SLC6A12: variants seen among roughly 807,000 people sequenced by gnomAD.
SLC6A12 encodes the protein solute carrier family 6 member 12.
A neutral mutation model predicts 73.3 loss-of-function variants in SLC6A12; 50 were observed. The observed-to-expected ratio is 0.68, with a 90% confidence interval of 0.54 to 0.86. The LOEUF (loss-of-function observed/expected upper bound fraction) is 0.86, where lower values mean the gene tolerates loss of function less well. Among genes scored for constraint, SLC6A12 ranks in the 40% least tolerant of loss-of-function variants. The probability of loss-of-function intolerance (pLI) is 0.00; values close to 1 mark genes in which losing one functional copy is unlikely to be tolerated. For missense variants in SLC6A12, 648 were observed against 772.8 expected (o/e 0.84, Z 1.92); for synonymous variants, 304 against 309.2 (o/e 0.98, Z 0.18).
At chr12:185,984 T>G (rs1939422689), downstream of SLC6A12, among the ~76,000 whole-genome samples, 1 of 152,208 alleles carries the variant, frequency 6.6e-6, no homozygotes, top group Admixed American at 6.5e-5. Context: ...GCAAGGAAGC[T>G]GGGCATGCGA....
Position 191,155 on chromosome 12 carries a change from G to A in SLC6A12, c.1758C>T (p.Pro586=). ...DSSLPQPKQH[P]CLDGSAGRNF... is the part of the protein sequence containing the mutation. The stretch of plus-strand genomic sequence containing the variant: ...TCCGGCCAGCACTGCCATCCAAGCA[G>A]GGATGTTGCTTGGGCTGTGGCAGAC... Residue 586 remains proline (P), a synonymous_variant, in exon 16 of 16, where the codon CCC becomes CCT. Transcript: ENST00000684302. The A allele has an allele frequency of 7.5e-7, 1 of 1,328,788 alleles. No homozygotes were observed. Among genetic ancestry groups the A allele is most frequent in the Non-Finnish European group, 9.7e-7 (1 of 1,026,704 alleles). The allele number at this position is 1,328,788 out of a possible 1,614,324, so 82.3% of individuals were successfully genotyped here.
chr12:204,587 C>A lies in SLC6A12; in HGVS notation c.326G>T (p.Arg109Met). 2 of 1,614,202 alleles carry A rather than the reference C, an allele frequency of 1.2e-6. No homozygotes were observed. Among genetic ancestry groups the A allele is most frequent in the Non-Finnish European group, 8.5e-7 (1 of 1,180,030 alleles). The change falls in exon 4 of 16, where the codon AGG (arginine) becomes ATG (methionine). Residue 109 changes from arginine (R) to methionine (M), a missense_variant. Arg to Met is a moderately conservative substitution (Grantham distance 91). Transcript: ENST00000684302. ...YTSQGSVTAW[R>M]KICPLFQGIG... ...ACCCTGGAAGAGGGGGCAGATCTTC[C>A]TCCAGGCTGTGACACTCCCTTGGCT...
intron 13 of SLC6A12, among the ~76,000 whole-genome samples, chr12:194,616 C>A (rs1053420076): frequency 6.6e-6 from 1 of 152,218 alleles, no homozygotes; most frequent in Non-Finnish European, 1.5e-5. Context: ...CTCAGTGAAT[C>A]GGGCTTCTTC....
downstream of SLC6A12, among the ~76,000 whole-genome samples, chr12:187,953 C>T (rs2137092923): frequency 6.6e-6 from 1 of 152,248 alleles, no homozygotes; most frequent in East Asian, 1.9e-4. Flanking sequence ...GTTTACAAAC[C>T]TTGAGCTAGA....
chr12:206,107 G>C (rs1432143548), intron 3 of SLC6A12, among the ~76,000 whole-genome samples: 2 of 152,092 alleles, frequency 1.3e-5, no homozygotes, highest in Non-Finnish European at 2.9e-5. Context: ...CACTTTAACT[G>C]TTCTTAAGTA....
Position 202,819 on chromosome 12 carries a change from A to C in SLC6A12, c.411T>G (p.Leu137=). The C allele has an allele frequency of 6.2e-7, 1 of 1,614,006 alleles. No individual in the cohort carries two copies. The highest frequency in any genetic ancestry group is 1.3e-5 in the African/African-American group (1 of 75,032). ...SYLNVYYIII[L]AWALFYLFSS... ...TGAACAGGTAGAAGAGAGCCCAGGC[A>C]AGGATGATGATGTAGTAGACATTCA... The change falls in exon 5 of 16, where the codon CTT becomes CTG. Residue 137 remains leucine, a synonymous_variant. Transcript: ENST00000684302.
chr12:192,633 A>C lies in SLC6A12; in HGVS notation c.1546T>G (p.Ser516Ala). The C allele has an allele frequency of 6.2e-7, 1 of 1,614,032 alleles. No individual in the cohort carries two copies. The highest frequency in any genetic ancestry group is 1.7e-5 in the Admixed American group (1 of 60,008). Residue 516 changes from serine to alanine, a missense_variant, in exon 15 of 16, where the codon TCC becomes GCC. By Grantham distance (99) the Ser-to-Ala change is moderately conservative. Transcript: ENST00000684302. Reference protein sequence around the residue: ...PGLCLATFLFSLSKYTPLKYN... With the variant: ...PGLCLATFLFALSKYTPLKYN... Reference sequence around the variant, plus strand: ...TTGAGGGGGGTGTACTTGCTCAAGGAGAAGAGGAAAGTGGCCTGGGAGAAG... The same window carrying C: ...TTGAGGGGGGTGTACTTGCTCAAGGCGAAGAGGAAAGTGGCCTGGGAGAAG...
At chr12:207,696 G>A (rs528998039) in intron 3 of SLC6A12, among the ~76,000 whole-genome samples, 1 of 152,256 alleles carries the variant, frequency 6.6e-6, no homozygotes, top group African/African-American at 2.4e-5. Context: ...ACTAGTCTGT[G>A]ACATCCTGTT....
At chr12:200,612 G>C (rs1013932457) in intron 7 of SLC6A12, 39 bp downstream of exon 7, 1 of 1,606,050 alleles carries the variant, frequency 6.2e-7, no homozygotes, top group Non-Finnish European at 8.5e-7. Context: ...GTAGACTCTG[G>C]GGGCCAAAGG....
In SLC6A12 at chr12:191,155, G is replaced by C; in HGVS notation, c.1758C>G (p.Pro586=). The stretch of plus-strand genomic sequence containing the variant: ...TCCGGCCAGCACTGCCATCCAAGCA[G>C]GGATGTTGCTTGGGCTGTGGCAGAC... ...DSSLPQPKQH[P]CLDGSAGRNF... The change falls in exon 16 of 16, where the codon CCC becomes CCG. Residue 586 remains proline, a synonymous_variant. Transcript: ENST00000684302. The C allele has an allele frequency of 7.5e-7, 1 of 1,328,788 alleles. No homozygotes were observed. Among genetic ancestry groups the C allele is most frequent in the Non-Finnish European group, 9.7e-7 (1 of 1,026,704 alleles). 82.3% of individuals were successfully genotyped at this position (1,328,788 alleles called of 1,614,324 possible).
rs1204469982 is a variant in SLC6A12 at position 190,684 on chromosome 12, C to T, written c.*384G>A. 1.9e-5 allele frequency: 3 copies of T among 159,114 alleles called. No homozygotes were observed. Among genetic ancestry groups the T allele is most frequent in the Non-Finnish European group, 4.1e-5 (3 of 72,888 alleles). 9.9% of individuals were successfully genotyped at this position (159,114 alleles called of 1,614,324 possible). A position where few individuals can be genotyped will look rare whatever the true frequency, so the allele number is the denominator to read the frequency against. On this transcript the variant is annotated 3_prime_UTR_variant, in exon 16 of 16. Transcript: ENST00000684302. ...TCCACATTGGACGGCAGTGTGCGTT[C>T]CAATTATAGCTCCTCTCCCCGTGTA...
intron 15 of SLC6A12, 40 bp from the exon 16 acceptor site, chr12:191,251 G>A (rs560526396): frequency 4.0e-6 from 5 of 1,256,724 alleles, no homozygotes; most frequent in Admixed American, 4.1e-5. Flanking sequence ...CTGATGGTGA[G>A]GGAGGCGCAG....
At chr12:187,882 TAC>T (rs1939464474), downstream of SLC6A12, among the ~76,000 whole-genome samples, 1 of 152,126 alleles carries the variant, frequency 6.6e-6, no homozygotes, top group South Asian at 2.1e-4. Flanking sequence ...AGAAGCTAGA[TAC>T]AGAGTGTGGA....
At chr12:206,974 C>T (rs1402556130) in intron 3 of SLC6A12, among the ~76,000 whole-genome samples, 3 of 152,356 alleles carry the variant, frequency 2.0e-5, no homozygotes, top group South Asian at 4.1e-4. Flanking sequence ...CCACAGAAGA[C>T]GGGGTGACTT....
chr12:193,215 C>T, intron 14 of SLC6A12, 62 bp downstream of exon 14: 1 of 1,203,528 alleles, frequency 8.3e-7, no homozygotes, highest in South Asian at 1.2e-5. Context: ...GCCGTCCTTT[C>T]CCTCATCTCT....
At position 193,353 on chromosome 12, in the gene SLC6A12, A is replaced by G. The variant is rs1939703740; in HGVS notation, c.1454T>C (p.Ile485Thr). 3.1e-6 allele frequency: 5 copies of G among 1,613,854 alleles called. No individual in the cohort carries two copies. The highest frequency in any genetic ancestry group is 3.4e-6 in the Non-Finnish European group (4 of 1,179,914). The part of the protein sequence containing the change: ...VYGADRFYDN[I>T]EDMIGYRPWP... Reference sequence around the variant, plus strand: ...TGGCCGGTAGCCAATCATGTCCTCAATGTTGTCATAGAAACGGTCCGCCCC... The same window carrying G: ...TGGCCGGTAGCCAATCATGTCCTCAGTGTTGTCATAGAAACGGTCCGCCCC... The change falls in exon 14 of 16, where the codon ATT (isoleucine) becomes ACT (threonine). Residue 485 changes from isoleucine (I) to threonine (T), a missense_variant. Transcript: ENST00000684302.
intron 11 of SLC6A12, 151 bp from the exon 12 acceptor site, chr12:196,412 C>T: frequency 2.3e-6 from 2 of 870,612 alleles, no homozygotes; most frequent in Non-Finnish European, 1.8e-6. Context: ...CTGGGGTGAG[C>T]CAACCCTGCC....
chr12:210,265 C>A (rs966102991), intron 2 of SLC6A12: 7 of 1,164,670 alleles, frequency 6.0e-6, no homozygotes, highest in Non-Finnish European at 6.7e-6. Flanking sequence ...GTGATTCACC[C>A]AAGACCACTC....
intron 15 of SLC6A12, 146 bp downstream of exon 15, chr12:192,332 C>T (rs893828863): frequency 3.6e-5 from 24 of 669,546 alleles, no homozygotes; most frequent in East Asian, 2.4e-4. Context: ...CTTCAAAGTT[C>T]GTCTCGTTAA....
Sources: allele counts gnomAD v4.1 joint callset (sites outside exome capture counted in the v4.1 genomes callset), GRCh38; gene constraint gnomAD v4.1.1; transcripts MANE v1.5; gene names NCBI Gene and HGNC (gene_info 2026-07-23, HGNC 2026-07-21).